ASIC2: variants seen among roughly 807,000 people sequenced by gnomAD.
ASIC2 encodes acid-sensing ion channel 2.
A neutral mutation model predicts 57.3 loss-of-function variants in ASIC2; 25 were observed. That is an observed-to-expected ratio of 0.44 (90% CI 0.32 to 0.61). The LOEUF (loss-of-function observed/expected upper bound fraction) is 0.61, where lower values mean the gene tolerates loss of function less well. Ranked by LOEUF, ASIC2 falls within the 20% of genes least tolerant of loss-of-function variation. The pLI, the probability that ASIC2 is intolerant of heterozygous loss-of-function variation, is 0.06. For missense variants in ASIC2, 641 were observed against 738.1 expected (o/e 0.87, Z 1.52); for synonymous variants, 319 against 307.5 (o/e 1.04, Z -0.39).
chr17:33,746,602 G>T (rs1001429469), intron 1 of ASIC2, among the ~76,000 whole-genome samples: 1 of 151,706 alleles, frequency 6.6e-6, no homozygotes, highest in Non-Finnish European at 1.5e-5. Flanking sequence ...ACATTGAAGG[G>T]AGAAATAGAC....
intron 1 of ASIC2, among the ~76,000 whole-genome samples, chr17:33,841,940 G>A (rs1260443169): frequency 6.6e-6 from 1 of 152,026 alleles, no homozygotes. Context: ...TATATACGGA[G>A]AATGTCCAGT....
chr17:33,928,046 C>A (rs369866850), intron 1 of ASIC2, among the ~76,000 whole-genome samples: 2 of 152,112 alleles, frequency 1.3e-5, no homozygotes, highest in African/African-American at 4.8e-5. Flanking sequence ...GTAGGAGGCA[C>A]CAAAGGTTTA....
intron 3 of ASIC2, among the ~76,000 whole-genome samples, chr17:33,087,979 G>T (rs774625589): frequency 6.6e-5 from 10 of 152,080 alleles, no homozygotes; most frequent in Non-Finnish European, 1.0e-4. Context: ...CATCCATTAC[G>T]TGCATGTATC....
chr17:33,169,121 A>G (rs577345245), intron 1 of ASIC2, among the ~76,000 whole-genome samples: 4 of 152,174 alleles, frequency 2.6e-5, no homozygotes, highest in African/African-American at 9.6e-5. Context: ...CTAGCACAGC[A>G]TTTTTCTGCT....
intron 1 of ASIC2, among the ~76,000 whole-genome samples, chr17:33,264,379 T>C (rs4795759): frequency 0.2 from 30,319 of 152,224 alleles, 3,217 homozygotes; most frequent in Admixed American, 0.25. Context: ...ATCCTTACAA[T>C]AATCTTGTGG....
chr17:33,751,687 C>T (rs2142105125), intron 1 of ASIC2, among the ~76,000 whole-genome samples: 1 of 152,008 alleles, frequency 6.6e-6, no homozygotes, highest in South Asian at 2.1e-4. Context: ...TTTTTCTTTC[C>T]TTTGGATTCA....
At chr17:33,038,164 T>C (rs1423632304) in intron 3 of ASIC2, among the ~76,000 whole-genome samples, 2 of 152,234 alleles carry the variant, frequency 1.3e-5, no homozygotes, top group Non-Finnish European at 2.9e-5. Context: ...TCTGATTAAA[T>C]AAGTTCAGTG....
chr17:33,443,357 A>G (rs182844659), intron 1 of ASIC2, among the ~76,000 whole-genome samples: 34 of 150,772 alleles, frequency 2.3e-4, no homozygotes, highest in African/African-American at 8.3e-4. Flanking sequence ...AGAAGTCACC[A>G]GTAAAATCAT....
intron 1 of ASIC2, among the ~76,000 whole-genome samples, chr17:33,413,480 T>C (rs375747648): frequency 7.9e-5 from 12 of 152,232 alleles, no homozygotes; most frequent in African/African-American, 2.7e-4. Flanking sequence ...CCCTCTCTGT[T>C]GCTGCCACTC....
At chr17:33,929,700 T>G (rs1032672917) in intron 1 of ASIC2, among the ~76,000 whole-genome samples, 3 of 152,244 alleles carry the variant, frequency 2.0e-5, no homozygotes, top group Non-Finnish European at 2.9e-5. Context: ...CTGGCCTTCC[T>G]GTCTCCTATT....
At chr17:33,422,325 G>A (rs1425563031) in intron 1 of ASIC2, among the ~76,000 whole-genome samples, 1 of 152,210 alleles carries the variant, frequency 6.6e-6, no homozygotes, top group Non-Finnish European at 1.5e-5. Flanking sequence ...AGAGAAGACT[G>A]CTCCTGTAGC....
intron 1 of ASIC2, among the ~76,000 whole-genome samples, chr17:33,987,944 T>C (rs182350854): frequency 1.3e-5 from 2 of 152,260 alleles, no homozygotes; most frequent in Non-Finnish European, 2.9e-5. Context: ...ATAAAAAATG[T>C]TTAAGGTCTT....
chr17:34,122,730 C>G (rs957479488), intron 1 of ASIC2, among the ~76,000 whole-genome samples: 4 of 152,210 alleles, frequency 2.6e-5, no homozygotes, highest in South Asian at 2.1e-4. Context: ...CACCCTCCCC[C>G]ACTCACACCC....
At chr17:33,478,709 A>G (rs889706333) in intron 1 of ASIC2, among the ~76,000 whole-genome samples, 1 of 152,076 alleles carries the variant, frequency 6.6e-6, no homozygotes, top group Non-Finnish European at 1.5e-5. Flanking sequence ...TAGTTCTACC[A>G]TTTTATTTTC....
intron 1 of ASIC2, among the ~76,000 whole-genome samples, chr17:33,795,756 T>C (rs947832229): frequency 3.3e-5 from 5 of 152,224 alleles, no homozygotes; most frequent in African/African-American, 1.2e-4. Context: ...AATCTTTAGT[T>C]TTGAAAGGGA....
intron 1 of ASIC2, chr17:33,976,663 T>A (rs1430900262): frequency 2.0e-5 from 3 of 152,138 alleles, no homozygotes; most frequent in African/African-American, 7.2e-5. Flanking sequence ...CAGAGGCTCA[T>A]GGAGGGTCAG....
chr17:33,174,811 A>G (rs1438808421), intron 1 of ASIC2, among the ~76,000 whole-genome samples: 1 of 152,164 alleles, frequency 6.6e-6, no homozygotes, highest in African/African-American at 2.4e-5. Flanking sequence ...TCTACATAGG[A>G]CATGTAACGT....
chr17:33,677,876 TA>T (rs1448099029), intron 1 of ASIC2, among the ~76,000 whole-genome samples: 2 of 152,202 alleles, frequency 1.3e-5, no homozygotes, highest in African/African-American at 4.8e-5. Flanking sequence ...GCATATTACA[TA>T]AACTTAGTTG....
intron 1 of ASIC2, among the ~76,000 whole-genome samples, chr17:33,415,407 T>C (rs1462230257): frequency 2.0e-5 from 3 of 152,256 alleles, no homozygotes; most frequent in African/African-American, 7.2e-5. Context: ...TTTATTTGTA[T>C]TGTTTTTATT....
Sources: allele counts gnomAD v4.1 joint callset (sites outside exome capture counted in the v4.1 genomes callset), GRCh38; gene constraint gnomAD v4.1.1; transcripts MANE v1.5; gene names NCBI Gene and HGNC (gene_info 2026-07-23, HGNC 2026-07-21).